TIAM2: variants seen among roughly 807,000 people sequenced by gnomAD.
TIAM2 encodes the protein TIAM Rac1 associated GEF 2, also known as rho guanine nucleotide exchange factor TIAM2.
TIAM2 carries 80 observed loss-of-function variants against 152.9 expected under a neutral mutation model. The observed-to-expected ratio is 0.52, with a 90% CI of 0.44 to 0.63. The LOEUF (loss-of-function observed/expected upper bound fraction) is 0.63. Ranked by LOEUF, TIAM2 falls within the 30% of genes least tolerant of loss-of-function variation. TIAM2 has a pLI of 0.00. For synonymous variants in TIAM2, 804 were observed against 838.0 expected (o/e 0.96, Z 0.70); for missense variants, 1,965 against 2,120.1 (o/e 0.93, Z 1.44).
intron 4 of TIAM2, among the ~76,000 whole-genome samples, chr6:155,132,369 G>C (rs924394943): frequency 6.6e-6 from 1 of 151,388 alleles, no homozygotes; most frequent in Non-Finnish European, 1.5e-5. Context: ...ACTTCCTTCT[G>C]ATGTATATAG....
chr6:155,199,589 A>C (rs1226641812), intron 14 of TIAM2, among the ~76,000 whole-genome samples: 2 of 152,260 alleles, frequency 1.3e-5, no homozygotes, highest in Non-Finnish European at 2.9e-5. Flanking sequence ...AAATAGTTTA[A>C]AATTTTTTCC....
At chr6:155,219,810 A>G (rs989834079) in intron 15 of TIAM2, among the ~76,000 whole-genome samples, 1 of 152,104 alleles carries the variant, frequency 6.6e-6, no homozygotes, top group African/African-American at 2.4e-5. Context: ...TTTCTTTGCC[A>G]GGGATAACTT....
At chr6:155,027,087 G>A (rs1012784787) in intron 1 of TIAM2, among the ~76,000 whole-genome samples, 6 of 151,788 alleles carry the variant, frequency 4.0e-5, no homozygotes, top group African/African-American at 1.2e-4. Flanking sequence ...CCAGGCTGGA[G>A]TGCAGTGGAG....
chr6:155,025,489 G>GT (rs1776584102), intron 1 of TIAM2, among the ~76,000 whole-genome samples: 1 of 151,902 alleles, frequency 6.6e-6, no homozygotes, highest in African/African-American at 2.4e-5. Context: ...CCTAATTTTT[G>GT]TATTTTTTTA....
intron 2 of TIAM2, among the ~76,000 whole-genome samples, chr6:155,114,574 A>G (rs565007180): frequency 6.6e-6 from 1 of 152,280 alleles, no homozygotes; most frequent in East Asian, 1.9e-4. Context: ...TTAAAGTATC[A>G]AGAAAACAAA....
intron 1 of TIAM2, among the ~76,000 whole-genome samples, chr6:155,027,235 A>G (rs938702214): frequency 6.6e-6 from 1 of 151,404 alleles, no homozygotes; most frequent in Non-Finnish European, 1.5e-5. Flanking sequence ...CATGTTGGCC[A>G]GGATGGTCTC....
At chr6:155,028,262 A>G in intron 1 of TIAM2, among the ~76,000 whole-genome samples, 1 of 131,814 alleles carries the variant, frequency 7.6e-6, no homozygotes, top group East Asian at 2.1e-4. Context: ...TTACATATAT[A>G]CTACATATAA....
chr6:155,177,735 CTACATT>C (rs1353710871), intron 10 of TIAM2, among the ~76,000 whole-genome samples: 4 of 152,180 alleles, frequency 2.6e-5, no homozygotes, highest in African/African-American at 9.7e-5. Flanking sequence ...TTAGGATTCT[CTACATT>C]TATATGTAGT....
intron 23 of TIAM2, 118 bp from the exon 24 acceptor site, chr6:155,252,830 C>G (rs1381297213): frequency 1.2e-6 from 1 of 853,690 alleles, no homozygotes; most frequent in South Asian, 1.6e-5. Context: ...CCTGAACACC[C>G]ACATGGCTGC....
Position 155,154,219 on chromosome 6 carries a change from C to T in TIAM2, c.2028+5885C>T, listed in dbSNP as rs541892013. 1.6e-4 allele frequency among the ~76,000 whole-genome samples: 25 copies of T among 152,260 alleles called. 1 individual carries two copies. The South Asian group carries it at 3.5e-3, about 21-fold the overall frequency. ...TTTATTTATGTAGCTTCCTCCCCAG[C>T]GGTTTTCCCTGAAAACCTCAGATGT... is the stretch of plus-strand genomic sequence containing the variant. On this transcript the variant is annotated intron_variant, in intron 7 of 26. Transcript: ENST00000682666.
At position 155,029,513 on chromosome 6, in the gene TIAM2, C is replaced by CTCTATAG. The variant is rs1554225522; in HGVS notation, c.-209+34022_-209+34023insCTATAGT. On this transcript the variant is annotated intron_variant, in intron 1 of 26. Coordinates refer to ENST00000682666, the MANE Select transcript of TIAM2 (RefSeq NM_012454.4). ...TAGTATATATTATATATAATATATA[C>CTCTATAG]TATATATTATAGTATAGATAATAAT... Among the ~76,000 whole-genome samples, 195 of 22,078 alleles carry CTCTATAG rather than the reference C, an allele frequency of 8.8e-3. 21 individuals are homozygous for CTCTATAG. The highest frequency in any genetic ancestry group is 0.029 in the African/African-American group (186 of 6,332). The allele number at this position is 22,078 out of a possible 152,430, so 14.5% of individuals were successfully genotyped here.
chr6:155,209,619 C>G (rs1353632452), intron 14 of TIAM2, among the ~76,000 whole-genome samples: 1 of 152,160 alleles, frequency 6.6e-6, no homozygotes, highest in Non-Finnish European at 1.5e-5. Context: ...TTCGGGTCAG[C>G]ACTGCCTTCC....
At chr6:155,112,751 A>G (rs1339542010) in intron 2 of TIAM2, among the ~76,000 whole-genome samples, 2 of 151,958 alleles carry the variant, frequency 1.3e-5, no homozygotes, top group South Asian at 2.1e-4. Flanking sequence ...GCATTCTCCC[A>G]TGGCTTTAAT....
In TIAM2 at chr6:155,164,454, G is replaced by T. The variant is rs1253993103; in HGVS notation, c.2068G>T (p.Asp690Tyr). Residue 690 changes from aspartate to tyrosine, a missense_variant, in exon 8 of 27, where the codon GAT becomes TAT. Coordinates refer to ENST00000682666, the MANE Select transcript of TIAM2 (RefSeq NM_012454.4). Reference sequence around the variant, plus strand: ...GCAGAATCTTGAGAAATTTCACATGGATCTGTTCAGGATGCGCTGCTATCT... The same window carrying T: ...GCAGAATCTTGAGAAATTTCACATGTATCTGTTCAGGATGCGCTGCTATCT... Reference protein sequence around the residue: ...WEQNLEKFHMDLFRMRCYLAS... With the variant: ...WEQNLEKFHMYLFRMRCYLAS... 1.2e-6 allele frequency: 2 copies of T among 1,609,624 alleles called. No individual in the cohort carries two copies. Among genetic ancestry groups the T allele is most frequent in the East Asian group, 4.5e-5 (2 of 44,772 alleles).
chr6:155,021,554 G>A (rs1296300437), intron 1 of TIAM2, among the ~76,000 whole-genome samples: 4 of 152,164 alleles, frequency 2.6e-5, no homozygotes, highest in East Asian at 3.9e-4. Context: ...GAGCCACCGC[G>A]CCCAGCCAGA....
At chr6:155,059,059 A>G (rs1177595681) in intron 1 of TIAM2, among the ~76,000 whole-genome samples, 1 of 152,210 alleles carries the variant, frequency 6.6e-6, no homozygotes, top group South Asian at 2.1e-4. Context: ...TAGGAAATTA[A>G]CATTGATACA....
rs561360450 is a variant in TIAM2, at chr6:155,254,750, A to G, written c.4468+177A>G. 4.3e-5 allele frequency: 31 copies of G among 717,770 alleles called. No homozygotes were observed. The African/African-American group carries it at 4.4e-4, about 10-fold the overall frequency. 44.5% of individuals were successfully genotyped at this position (717,770 alleles called of 1,614,324 possible). ...TCCCAGACGTTCTACTGTAAAATAC[A>G]GCCACCCCCAACCCCCAGTCCCTTG... On this transcript the variant is annotated intron_variant, in intron 26 of 26. Transcript: ENST00000682666.
At chr6:155,125,867 C>T (rs1262048163) in intron 2 of TIAM2, among the ~76,000 whole-genome samples, 2 of 151,802 alleles carry the variant, frequency 1.3e-5, no homozygotes, top group Non-Finnish European at 2.9e-5. Flanking sequence ...AAAAGAATTA[C>T]AAATAGAATA....
At chr6:155,094,999 A>G (rs1562314222) in intron 2 of TIAM2, among the ~76,000 whole-genome samples, 2 of 151,636 alleles carry the variant, frequency 1.3e-5, no homozygotes, top group Non-Finnish European at 2.9e-5. Context: ...TCAGTTCTCC[A>G]TGGTCATGGA....
Sources: allele counts gnomAD v4.1 joint callset (sites outside exome capture counted in the v4.1 genomes callset), GRCh38; gene constraint gnomAD v4.1.1; transcripts MANE v1.5; gene names NCBI Gene and HGNC (gene_info 2026-07-23, HGNC 2026-07-21).